SYNPO2: variants seen among roughly 807,000 people sequenced by gnomAD.
SYNPO2 encodes synaptopodin-2.
A neutral mutation model predicts 85.0 loss-of-function variants in SYNPO2; 56 were observed. That is an observed-to-expected ratio of 0.66 (90% CI 0.53 to 0.82). The LOEUF (loss-of-function observed/expected upper bound fraction) is 0.82. Ranked by LOEUF, SYNPO2 falls within the 40% of genes least tolerant of loss-of-function variation. The probability of loss-of-function intolerance (pLI) is 0.00; values close to 1 mark genes in which losing one functional copy is unlikely to be tolerated. For synonymous variants in SYNPO2, 602 were observed against 591.1 expected (o/e 1.02, Z -0.27); for missense variants, 1,575 against 1,534.2 (o/e 1.03, Z -0.44).
chr4:118,949,171 T>C (rs1351030898), intron 1 of SYNPO2, among the ~76,000 whole-genome samples: 2 of 152,070 alleles, frequency 1.3e-5, no homozygotes, highest in Non-Finnish European at 2.9e-5. Flanking sequence ...ATTGTAGGAA[T>C]GACAATGGTT....
At chr4:119,039,231 A>G (rs1024912171) in intron 4 of SYNPO2, among the ~76,000 whole-genome samples, 4 of 152,166 alleles carry the variant, frequency 2.6e-5, no homozygotes, top group African/African-American at 9.7e-5. Context: ...TGAGGTAAAG[A>G]AAACTTAAGG....
intron 3 of SYNPO2, 111 bp downstream of exon 3, chr4:119,027,549 A>G (rs1210911954): frequency 9.4e-7 from 1 of 1,063,852 alleles, no homozygotes; most frequent in Non-Finnish European, 1.3e-6. Flanking sequence ...TCATTGGCTT[A>G]AAGAAATATT....
At chr4:118,937,299 C>G (rs370108163) in intron 1 of SYNPO2, among the ~76,000 whole-genome samples, 3 of 152,114 alleles carry the variant, frequency 2.0e-5, no homozygotes, top group Non-Finnish European at 4.4e-5. Context: ...CTAGAACAAA[C>G]TCTTTTCTGC....
At chr4:118,876,667 C>CCTTCCTTCCTTCCTTCCTT (rs1731917905) in intron 1 of SYNPO2, among the ~76,000 whole-genome samples, 5 of 112,092 alleles carry the variant, frequency 4.5e-5, no homozygotes, top group African/African-American at 1.8e-4. Context: ...TCCTTCCTTT[C>CCTTCCTTCCTTCCTTCCTT]TCTTTCTTTC....
At chr4:119,036,990 T>C in intron 4 of SYNPO2, 1 of 1,318,520 alleles carries the variant, frequency 7.6e-7, no homozygotes, top group South Asian at 2.4e-5. Context: ...TTTTTTGTTA[T>C]TAATATAGGT....
intron 1 of SYNPO2, among the ~76,000 whole-genome samples, chr4:118,991,803 C>A (rs1736427116): frequency 6.6e-6 from 1 of 152,090 alleles, no homozygotes; most frequent in African/African-American, 2.4e-5. Flanking sequence ...GGGTAAGAAA[C>A]AGCAGGCAAT....
At chr4:118,982,377 A>T (rs759613849) in intron 1 of SYNPO2, among the ~76,000 whole-genome samples, 2 of 152,210 alleles carry the variant, frequency 1.3e-5, no homozygotes, top group Non-Finnish European at 1.5e-5. Flanking sequence ...ACCCTCTCGG[A>T]TGCACATAGT....
intron 1 of SYNPO2, among the ~76,000 whole-genome samples, chr4:119,021,711 C>G (rs1450193088): frequency 6.6e-6 from 1 of 152,088 alleles, no homozygotes; most frequent in Admixed American, 6.6e-5. Flanking sequence ...AATGAAGCAC[C>G]CAGAAATCCA....
intron 1 of SYNPO2, among the ~76,000 whole-genome samples, chr4:118,881,951 G>A (rs903448759): frequency 5.9e-5 from 9 of 152,190 alleles, no homozygotes; most frequent in African/African-American, 9.7e-5. Context: ...AGAGAGTTGC[G>A]TAACTATTAA....
At chr4:118,959,478 G>A (rs777165829) in intron 1 of SYNPO2, among the ~76,000 whole-genome samples, 2 of 152,294 alleles carry the variant, frequency 1.3e-5, no homozygotes, top group Non-Finnish European at 2.9e-5. Context: ...TAAATATGTG[G>A]GTGATTACCC....
chr4:118,991,154 T>C (rs774015194), intron 1 of SYNPO2, among the ~76,000 whole-genome samples: 3 of 152,158 alleles, frequency 2.0e-5, no homozygotes, highest in Non-Finnish European at 4.4e-5. Context: ...TATTTATTTT[T>C]TATTATTTTT....
intron 2 of SYNPO2, among the ~76,000 whole-genome samples, chr4:119,025,753 G>A (rs1737909526): frequency 6.6e-6 from 1 of 152,142 alleles, no homozygotes; most frequent in Non-Finnish European, 1.5e-5. Context: ...CAGCTGTTCT[G>A]TGAATAATAC....
intron 1 of SYNPO2, among the ~76,000 whole-genome samples, chr4:119,005,331 G>A (rs532396162): frequency 6.6e-6 from 1 of 152,194 alleles, no homozygotes; most frequent in Admixed American, 6.5e-5. Flanking sequence ...GTATTGCCTA[G>A]GTTTTCTTCT....
At chr4:118,896,266 G>T (rs917899016) in intron 1 of SYNPO2, among the ~76,000 whole-genome samples, 3 of 151,890 alleles carry the variant, frequency 2.0e-5, no homozygotes, top group African/African-American at 4.8e-5. Context: ...TTTTTTTAAT[G>T]GGCCTAAGGA....
chr4:119,022,895 G>A (rs1469359923), intron 1 of SYNPO2, among the ~76,000 whole-genome samples: 1 of 151,710 alleles, frequency 6.6e-6, no homozygotes, highest in African/African-American at 2.4e-5. Context: ...TCCTGCCTCA[G>A]CCTCCTGAGT....
At chr4:118,973,946 A>T (rs1406543926) in intron 1 of SYNPO2, among the ~76,000 whole-genome samples, 1 of 152,228 alleles carries the variant, frequency 6.6e-6, no homozygotes, top group Non-Finnish European at 1.5e-5. Flanking sequence ...CTGTTTTAAG[A>T]TTCTTCTTTC....
At chr4:118,931,017 G>T (rs1733915884) in intron 1 of SYNPO2, among the ~76,000 whole-genome samples, 1 of 151,598 alleles carries the variant, frequency 6.6e-6, no homozygotes, top group South Asian at 2.1e-4. Flanking sequence ...AAGATTTATT[G>T]AATTGAATTA....
chr4:119,034,925 G>A lies in SYNPO2; in HGVS notation c.3252+2898G>A, dbSNP rs548801405. 60 of 985,482 alleles carry A rather than the reference G, an allele frequency of 6.1e-5. No homozygotes were observed. In the Middle Eastern group the frequency reaches 3.7e-3, roughly 60 times the overall value. 61.0% of individuals were successfully genotyped at this position (985,482 alleles called of 1,614,324 possible). A position where few individuals can be genotyped will look rare whatever the true frequency, so the allele number is the denominator to read the frequency against. ...TGGTATTAGCTTGATTGGTTGGTCCGCTGGTTATGAGGTGTAGGGAGGCAG... is the reference window on the plus strand; with the variant it reads ...TGGTATTAGCTTGATTGGTTGGTCCACTGGTTATGAGGTGTAGGGAGGCAG... On this transcript the variant is annotated intron_variant, in intron 4 of 4. Coordinates refer to ENST00000307142, the MANE Select transcript of SYNPO2 (RefSeq NM_133477.3).
rs551507513 is a variant in SYNPO2, at chr4:118,861,791, G to C, written c.12+10851G>C. 3.9e-5 allele frequency among the ~76,000 whole-genome samples: 6 copies of C among 152,212 alleles called. No homozygotes were observed. In the East Asian group the frequency reaches 5.8e-4, roughly 15 times the overall value. ...CAGGTAATGTGATTCCTCCAGTTTT[G>C]TTCTTTCTGCTCAGGATAGCTTTGG... On this transcript the variant is annotated intron_variant, in intron 1 of 4. Coordinates refer to the SYNPO2 transcript ENST00000610556.
Sources: gnomAD v4.1 joint callset for allele counts (sites outside exome capture counted in the v4.1 genomes callset) on GRCh38, gnomAD v4.1.1 for gene constraint, MANE v1.5 for transcripts, NCBI Gene and HGNC (gene_info 2026-07-23, HGNC 2026-07-21) for gene names.